ARL15: variants seen among roughly 807,000 people sequenced by gnomAD.
The protein encoded by ARL15 is ARF like GTPase 15.
A neutral mutation model predicts 25.2 loss-of-function variants in ARL15; 19 were observed. The ratio of observed to expected loss-of-function variants is 0.75; its 90% confidence interval spans 0.53 to 1.10. The LOEUF (loss-of-function observed/expected upper bound fraction) is 1.10. ARL15 is among the 50% of genes least tolerant of loss of function. The pLI is 0.00. For missense variants in ARL15, 220 were observed against 246.0 expected (o/e 0.89, Z 0.71); for synonymous variants, 94 against 86.8 (o/e 1.08, Z -0.46).
chr5:53,962,506 T>C (rs528464229), intron 4 of ARL15, among the ~76,000 whole-genome samples: 1 of 152,280 alleles, frequency 6.6e-6, no homozygotes, highest in East Asian at 1.9e-4. Flanking sequence ...GAGTGTGTTG[T>C]GTGTGTCACT....
chr5:54,027,886 A>G (rs540883707), intron 4 of ARL15, among the ~76,000 whole-genome samples: 1 of 152,190 alleles, frequency 6.6e-6, no homozygotes, highest in African/African-American at 2.4e-5. Flanking sequence ...ACTTATGCCA[A>G]TATCAACCAG....
In ARL15 at chr5:53,990,957, A is replaced by AT. The variant is rs572445708; in HGVS notation, c.463-104245dup. On this transcript the variant is annotated intron_variant, in intron 4 of 4. Coordinates refer to ENST00000504924, the MANE Select transcript of ARL15 (RefSeq NM_019087.3). ...CCGAATATCTTAACAAAGAAACACT[A>AT]TTTTTTTTTCTCTTTGAATGTTTGA... is the stretch of plus-strand genomic sequence containing the variant. Among the ~76,000 whole-genome samples the AT allele has an allele frequency of 2.7e-3, 412 of 151,026 alleles. 2 individuals are homozygous for AT. The highest frequency in any genetic ancestry group is 2.5e-3 in the Non-Finnish European group (172 of 67,640).
intron 4 of ARL15, among the ~76,000 whole-genome samples, chr5:54,078,033 C>T (rs1751668223): frequency 6.6e-6 from 1 of 152,162 alleles, no homozygotes; most frequent in Non-Finnish European, 1.5e-5. Context: ...GTAATTATTT[C>T]TTTCAAATAA....
At chr5:54,003,658 T>TTATATCTATCTA (rs1253734153) in intron 4 of ARL15, among the ~76,000 whole-genome samples, 5 of 134,008 alleles carry the variant, frequency 3.7e-5, no homozygotes, top group African/African-American at 5.5e-5. Context: ...AGAAAATATT[T>TTATATCTATCTA]TCTTTCTATC....
chr5:54,238,575 A>G (rs776070834), intron 1 of ARL15, among the ~76,000 whole-genome samples: 20 of 152,192 alleles, frequency 1.3e-4, no homozygotes, highest in Non-Finnish European at 2.8e-4. Context: ...GGCTATCTCT[A>G]AAGCCATCTT....
chr5:53,999,499 G>T (rs1748786746), intron 4 of ARL15, among the ~76,000 whole-genome samples: 1 of 152,162 alleles, frequency 6.6e-6, no homozygotes, highest in Admixed American at 6.5e-5. Flanking sequence ...CTGAGGCACG[G>T]AGAATCACTT....
At chr5:54,037,588 G>A (rs1750211803) in intron 4 of ARL15, among the ~76,000 whole-genome samples, 1 of 152,040 alleles carries the variant, frequency 6.6e-6, no homozygotes, top group African/African-American at 2.4e-5. Context: ...TACCTGCCAA[G>A]TAAAAATAGA....
intron 4 of ARL15, among the ~76,000 whole-genome samples, chr5:53,920,400 A>T (rs1052155367): frequency 2.0e-5 from 3 of 152,080 alleles, no homozygotes; most frequent in African/African-American, 4.8e-5. Context: ...TGGCTCTTCA[A>T]CACAAAGTGA....
intron 4 of ARL15, among the ~76,000 whole-genome samples, chr5:54,105,888 T>C (rs879809552): frequency 6.6e-6 from 1 of 152,230 alleles, no homozygotes; most frequent in Non-Finnish European, 1.5e-5. Context: ...CATGTCATTA[T>C]GTTCCCTTAG....
intron 4 of ARL15, among the ~76,000 whole-genome samples, chr5:53,895,865 TGA>T (rs1744854731): frequency 6.6e-6 from 1 of 152,168 alleles, no homozygotes. Context: ...CCCAAGTGGT[TGA>T]GAATCTTAGA....
At chr5:54,298,450 GACC>G (rs1400997908) in intron 1 of ARL15, among the ~76,000 whole-genome samples, 3 of 152,102 alleles carry the variant, frequency 2.0e-5, no homozygotes, top group African/African-American at 7.2e-5. Flanking sequence ...ACCGCTACCT[GACC>G]ACATTTCAGT....
chr5:54,157,972 T>C (rs1461494687), intron 2 of ARL15, among the ~76,000 whole-genome samples: 8 of 152,232 alleles, frequency 5.3e-5, no homozygotes. Flanking sequence ...TTAGTCATTC[T>C]AAACATTTGA....
At chr5:53,986,658 A>C (rs1748309648) in intron 4 of ARL15, among the ~76,000 whole-genome samples, 1 of 152,258 alleles carries the variant, frequency 6.6e-6, no homozygotes. Context: ...AAGAGAAAGT[A>C]ATTTTTTAAC....
chr5:53,987,548 TGAGAAA>T (rs890140771), intron 4 of ARL15, among the ~76,000 whole-genome samples: 6 of 150,448 alleles, frequency 4.0e-5, no homozygotes. Flanking sequence ...TTAAAGAGAG[TGAGAAA>T]GAGAGATTAC....
chr5:54,084,424 C>CAAAA (rs10676630), intron 4 of ARL15, among the ~76,000 whole-genome samples: 12 of 129,898 alleles, frequency 9.2e-5, no homozygotes, highest in African/African-American at 1.8e-4. Context: ...ACTGACTCTT[C>CAAAA]AAAAAAAAAA....
chr5:54,013,706 T>C (rs893264693), intron 4 of ARL15, among the ~76,000 whole-genome samples: 1 of 152,210 alleles, frequency 6.6e-6, no homozygotes, highest in East Asian at 1.9e-4. Context: ...GGCAACTGAC[T>C]GACTCCATCT....
At chr5:53,945,670 A>G (rs1177476554) in intron 4 of ARL15, among the ~76,000 whole-genome samples, 1 of 152,262 alleles carries the variant, frequency 6.6e-6, no homozygotes, top group Non-Finnish European at 1.5e-5. Flanking sequence ...AGTTGCAAAA[A>G]CAAAAAGGTT....
At chr5:53,917,457 T>C (rs915370246) in intron 4 of ARL15, among the ~76,000 whole-genome samples, 3 of 152,118 alleles carry the variant, frequency 2.0e-5, no homozygotes, top group African/African-American at 7.2e-5. Flanking sequence ...CCCTCAACAT[T>C]ATCATCACAG....
At chr5:54,015,158 G>A (rs1360698781) in intron 4 of ARL15, among the ~76,000 whole-genome samples, 1 of 151,908 alleles carries the variant, frequency 6.6e-6, no homozygotes, top group Admixed American at 6.6e-5. Flanking sequence ...GCCAGGCATG[G>A]TGGTGGGCAC....
Sources: gnomAD v4.1 joint callset for allele counts (sites outside exome capture counted in the v4.1 genomes callset) on GRCh38, gnomAD v4.1.1 for gene constraint, MANE v1.5 for transcripts, NCBI Gene and HGNC (gene_info 2026-07-23, HGNC 2026-07-21) for gene names.